Variants in RBFOX1 observed in about 807,000 individuals in gnomAD.
The protein encoded by RBFOX1 is RNA binding protein fox-1 homolog 1.
In RBFOX1, 8 loss-of-function variants were observed where a neutral mutation model predicts 57.7. The observed-to-expected ratio is 0.14, with a 90% CI of 0.08 to 0.25. The LOEUF is 0.25. Among genes scored for constraint, RBFOX1 ranks in the 10% least tolerant of loss-of-function variants. RBFOX1 has a pLI of 1.00. For missense variants in RBFOX1, 611 were observed against 548.5 expected, an observed-to-expected ratio of 1.11 and a Z score of -1.14; for synonymous variants, 326 against 222.4, an observed-to-expected ratio of 1.47 and a Z score of -4.15.
At position 7,499,260 on chromosome 16, in the gene RBFOX1, TGTA is replaced by T. The variant is rs2069794123; in HGVS notation, c.28-18885_28-18883del. ...TGACAATCTTTGGCATCCCTTGAGT[TGTA>T]GAAGCATCACCCATTCATCTTCAGA... On this transcript the variant is annotated intron_variant, in intron 4 of 15. Coordinates refer to ENST00000550418, the MANE Select transcript of RBFOX1 (RefSeq NM_018723.4). 1.3e-5 allele frequency among the ~76,000 whole-genome samples: 2 copies of T among 152,170 alleles called. 1 individual carries two copies. The highest frequency in any genetic ancestry group is 4.1e-4 in the South Asian group (2 of 4,832).
chr16:5,241,683 G>C (rs912543619), intron 1 of RBFOX1, among the ~76,000 whole-genome samples: 2 of 152,244 alleles, frequency 1.3e-5, no homozygotes, highest in Admixed American at 1.3e-4. Flanking sequence ...AGGGAAGCTC[G>C]TCCATAGAAG....
chr16:6,114,831 A>G (rs1422570002), intron 1 of RBFOX1, among the ~76,000 whole-genome samples: 1 of 152,218 alleles, frequency 6.6e-6, no homozygotes, highest in Non-Finnish European at 1.5e-5. Flanking sequence ...GTTAGACAGC[A>G]GTCTTCTATT....
At chr16:6,372,062 T>A (rs2090505574) in intron 2 of RBFOX1, among the ~76,000 whole-genome samples, 1 of 152,152 alleles carries the variant, frequency 6.6e-6, no homozygotes, top group Non-Finnish European at 1.5e-5. Flanking sequence ...GGATGGTTGG[T>A]TAGGATCATT....
At chr16:7,388,049 T>G (rs993857354) in intron 4 of RBFOX1, among the ~76,000 whole-genome samples, 1 of 152,222 alleles carries the variant, frequency 6.6e-6, no homozygotes, top group Non-Finnish European at 1.5e-5. Flanking sequence ...TTTTGCTTTT[T>G]TTTTAATTTA....
intron 4 of RBFOX1, among the ~76,000 whole-genome samples, chr16:5,883,925 T>C (rs1374382128): frequency 3.3e-5 from 5 of 152,168 alleles, no homozygotes; most frequent in Non-Finnish European, 7.3e-5. Flanking sequence ...ATCTTGTTGA[T>C]TGGAAGAAAT....
intron 1 of RBFOX1, among the ~76,000 whole-genome samples, chr16:5,295,001 G>A (rs2063629376): frequency 7.3e-6 from 1 of 136,060 alleles, no homozygotes; most frequent in Non-Finnish European, 1.6e-5. Context: ...TTGCACTCCA[G>A]CCTGGGTGAC....
intron 1 of RBFOX1, among the ~76,000 whole-genome samples, chr16:5,383,305 G>C (rs890585466): frequency 3.3e-5 from 5 of 152,296 alleles, no homozygotes; most frequent in African/African-American, 9.6e-5. Context: ...CTGTGGGTCT[G>C]CCAGGAGGGT....
At chr16:6,507,420 C>G (rs1310198190) in intron 2 of RBFOX1, among the ~76,000 whole-genome samples, 4 of 143,668 alleles carry the variant, frequency 2.8e-5, no homozygotes, top group African/African-American at 1.0e-4. Flanking sequence ...CCTGTAATCC[C>G]AACACTTTGT....
intron 11 of RBFOX1, among the ~76,000 whole-genome samples, chr16:7,643,425 A>G (rs1052649390): frequency 1.3e-5 from 2 of 152,252 alleles, no homozygotes; most frequent in African/African-American, 4.8e-5. Context: ...TATATATAGA[A>G]AAACGTGCAA....
intron 4 of RBFOX1, among the ~76,000 whole-genome samples, chr16:5,995,782 A>G (rs1383383826): frequency 1.3e-5 from 2 of 152,154 alleles, no homozygotes. Flanking sequence ...GTAGGGAGGG[A>G]GCTTGGGCAT....
chr16:7,189,103 A>C (rs773630559), intron 4 of RBFOX1, among the ~76,000 whole-genome samples: 2 of 152,184 alleles, frequency 1.3e-5, no homozygotes, highest in South Asian at 4.2e-4. Flanking sequence ...ACCTACACTG[A>C]TTCAGGTAAT....
chr16:6,601,860 G>A (rs1421714435), intron 2 of RBFOX1, among the ~76,000 whole-genome samples: 1 of 152,200 alleles, frequency 6.6e-6, no homozygotes, highest in African/African-American at 2.4e-5. Context: ...AGAGCTTGAA[G>A]AGGATGTTAA....
chr16:6,690,600 A>T (rs1442297751), intron 3 of RBFOX1, among the ~76,000 whole-genome samples: 1 of 152,128 alleles, frequency 6.6e-6, no homozygotes, highest in African/African-American at 2.4e-5. Flanking sequence ...ATCATTATTT[A>T]GTAAGACCAA....
intron 4 of RBFOX1, among the ~76,000 whole-genome samples, chr16:7,245,914 G>T (rs2094278406): frequency 6.6e-6 from 1 of 152,000 alleles, no homozygotes; most frequent in African/African-American, 2.4e-5. Context: ...AATTCTCCCA[G>T]CCCATAGCAG....
chr16:7,012,565 CTT>C, intron 3 of RBFOX1, among the ~76,000 whole-genome samples: 1 of 152,270 alleles, frequency 6.6e-6, no homozygotes, highest in Non-Finnish European at 1.5e-5. Flanking sequence ...TCCTTTCTCT[CTT>C]GTACAGTGTG....
At chr16:7,099,020 A>G (rs1465770056) in intron 4 of RBFOX1, among the ~76,000 whole-genome samples, 1 of 152,074 alleles carries the variant, frequency 6.6e-6, no homozygotes, top group Non-Finnish European at 1.5e-5. Flanking sequence ...TCAGTGTCCA[A>G]ACTCTCTCTT....
intron 2 of RBFOX1, among the ~76,000 whole-genome samples, chr16:6,542,481 G>GTGTTTTT (rs1567617665): frequency 5.4e-5 from 2 of 37,156 alleles, no homozygotes; most frequent in African/African-American, 1.8e-4. Flanking sequence ...TGGGACCATA[G>GTGTTTTT]TCTTTTTTTT....
At chr16:7,388,468 A>T (rs1251128994) in intron 4 of RBFOX1, among the ~76,000 whole-genome samples, 8 of 151,784 alleles carry the variant, frequency 5.3e-5, no homozygotes, top group African/African-American at 1.9e-4. Context: ...TTTAAATTCT[A>T]CTCCTCCTTT....
At chr16:5,333,076 T>C (rs959399331) in intron 1 of RBFOX1, among the ~76,000 whole-genome samples, 1 of 152,120 alleles carries the variant, frequency 6.6e-6, no homozygotes, top group Non-Finnish European at 1.5e-5. Context: ...TAGTCCCAGC[T>C]ACTCAGGAGA....
Sources: gnomAD v4.1 joint callset for allele counts (sites outside exome capture counted in the v4.1 genomes callset) on GRCh38, gnomAD v4.1.1 for gene constraint, MANE v1.5 for transcripts, NCBI Gene and HGNC (gene_info 2026-07-23, HGNC 2026-07-21) for gene names.